The following KLHL4 variants were observed in gnomAD, a reference collection of about 807,000 sequenced individuals.
KLHL4 encodes kelch-like protein 4.
KLHL4 carries 17 observed loss-of-function variants against 45.8 expected under a neutral mutation model. The observed-to-expected ratio is 0.37, with a 90% CI of 0.25 to 0.56. The LOEUF (loss-of-function observed/expected upper bound fraction) is 0.56. Ranked by LOEUF, KLHL4 falls within the 20% of genes least tolerant of loss-of-function variation. KLHL4 has a pLI of 0.79. For synonymous variants in KLHL4, 224 were observed against 189.9 expected, an observed-to-expected ratio of 1.18 and a Z score of -1.47; for missense variants, 544 against 544.9, an observed-to-expected ratio of 1.00 and a Z score of 0.02.
chrX:87,665,128 T>C (rs1014807108), intron 10 of KLHL4, among the ~76,000 whole-genome samples, 193 bp downstream of exon 10: 2 of 111,540 alleles, frequency 1.8e-5, no homozygotes, highest in African/African-American at 6.5e-5. Flanking sequence ...GACATGATAG[T>C]TGATAGCAGG....
intron 1 of KLHL4, among the ~76,000 whole-genome samples, chrX:87,565,293 A>T (rs988652733): frequency 1.1e-4 from 12 of 112,149 alleles, no homozygotes; most frequent in East Asian, 5.6e-4. Context: ...GTGCAGAAAA[A>T]GACAGTGGAG....
chrX:87,528,332 TAACTC>T (rs1296808095), intron 1 of KLHL4, among the ~76,000 whole-genome samples: 1 of 111,038 alleles, frequency 9.0e-6, no homozygotes. Flanking sequence ...CTTTTTGAAA[TAACTC>T]AGTCAGAGAA....
At chrX:87,629,281 T>TA (rs763835626) in intron 6 of KLHL4, among the ~76,000 whole-genome samples, 185 of 111,367 alleles carry the variant, frequency 1.7e-3, no homozygotes, top group Middle Eastern at 9.2e-3. Flanking sequence ...GAAAAGATGG[T>TA]AAAAAAATTG....
chrX:87,554,786 G>A (rs1398741705), intron 1 of KLHL4, among the ~76,000 whole-genome samples: 1 of 100,365 alleles, frequency 1.0e-5, no homozygotes, highest in Non-Finnish European at 2.0e-5. Flanking sequence ...GGGCATCCCT[G>A]TCTTGTGCCA....
At chrX:87,664,347 T>C (rs964547380) in intron 9 of KLHL4, among the ~76,000 whole-genome samples, 1 of 112,153 alleles carries the variant, frequency 8.9e-6, no homozygotes. Context: ...TCAGGTTTAC[T>C]TTAAAATATG....
At chrX:87,564,633 G>A (rs1309935853) in intron 1 of KLHL4, among the ~76,000 whole-genome samples, 1 of 111,504 alleles carries the variant, frequency 9.0e-6, no homozygotes, top group Non-Finnish European at 1.9e-5. Context: ...CCATCAAAAA[G>A]CATACATAGC....
At chrX:87,582,513 G>A (rs1366170581) in intron 1 of KLHL4, among the ~76,000 whole-genome samples, 1 of 111,985 alleles carries the variant, frequency 8.9e-6, no homozygotes, top group Non-Finnish European at 1.9e-5. Context: ...TAGCCAGAGG[G>A]AAATCCCAAT....
At chrX:87,578,668 G>A (rs907189045) in intron 1 of KLHL4, among the ~76,000 whole-genome samples, 1 of 112,579 alleles carries the variant, frequency 8.9e-6, no homozygotes, top group Non-Finnish European at 1.9e-5. Flanking sequence ...AGCACTGAGA[G>A]AGACTCCCTC....
At chrX:87,557,747 T>C (rs867642173) in intron 1 of KLHL4, among the ~76,000 whole-genome samples, 1 of 75,409 alleles carries the variant, frequency 1.3e-5, no homozygotes, top group Non-Finnish European at 2.5e-5. Flanking sequence ...TATTTTAAAA[T>C]GTGATAGATA....
At chrX:87,546,262 C>T (rs886728779) in intron 1 of KLHL4, among the ~76,000 whole-genome samples, 3 of 111,219 alleles carry the variant, frequency 2.7e-5, no homozygotes, top group Non-Finnish European at 5.7e-5. Flanking sequence ...CAGTGTCTTG[C>T]CGCTTTGGGT....
intron 1 of KLHL4, among the ~76,000 whole-genome samples, chrX:87,533,572 G>T (rs199533980): frequency 2.0e-5 from 2 of 101,913 alleles, no homozygotes; most frequent in African/African-American, 3.6e-5. Flanking sequence ...GGTGAGGGGG[G>T]AGGGATAGCA....
intron 1 of KLHL4, among the ~76,000 whole-genome samples, chrX:87,536,223 T>C (rs1011424319): frequency 9.0e-6 from 1 of 111,638 alleles, no homozygotes; most frequent in Admixed American, 9.6e-5. Flanking sequence ...ACAAGTTCTC[T>C]GAAAATTAAC....
intron 9 of KLHL4, among the ~76,000 whole-genome samples, chrX:87,650,154 G>A (rs967221984): frequency 9.0e-6 from 1 of 111,181 alleles, no homozygotes; most frequent in Non-Finnish European, 1.9e-5. Flanking sequence ...AGGCTGGAAT[G>A]CAGTGGTGCC....
intron 9 of KLHL4, among the ~76,000 whole-genome samples, chrX:87,641,828 G>A (rs1288493375): frequency 9.1e-6 from 1 of 110,248 alleles, no homozygotes; most frequent in Non-Finnish European, 1.9e-5. Flanking sequence ...ATCCTCCTAG[G>A]TACACAGCTC....
intron 1 of KLHL4, among the ~76,000 whole-genome samples, chrX:87,606,371 A>G (rs1358019392): frequency 9.0e-6 from 1 of 111,632 alleles, no homozygotes; most frequent in East Asian, 2.8e-4. Context: ...GAAAAAAACA[A>G]TGAAGCTAAT....
intron 1 of KLHL4, among the ~76,000 whole-genome samples, chrX:87,544,508 T>A (rs1931633001): frequency 1.8e-5 from 2 of 111,480 alleles, no homozygotes; most frequent in Admixed American, 9.6e-5. Context: ...TGAAACCCAG[T>A]GCTGTGCTGG....
intron 1 of KLHL4, among the ~76,000 whole-genome samples, chrX:87,523,301 A>C (rs1310244987): frequency 9.0e-6 from 1 of 111,588 alleles, no homozygotes; most frequent in Non-Finnish European, 1.9e-5. Context: ...AAATAATTGC[A>C]GTGTTTTATA....
chrX:87,646,187 AAGG>A (rs959271973), intron 9 of KLHL4, among the ~76,000 whole-genome samples: 1 of 111,522 alleles, frequency 9.0e-6, no homozygotes, highest in Non-Finnish European at 1.9e-5. Flanking sequence ...ACACTTAACC[AAGG>A]AGGTGAAAGA....
intron 6 of KLHL4, among the ~76,000 whole-genome samples, chrX:87,631,722 G>A (rs1390133643): frequency 2.7e-5 from 3 of 111,070 alleles, no homozygotes; most frequent in Non-Finnish European, 5.7e-5. Flanking sequence ...CTTTAGTTAC[G>A]TGTCTTTTAA....
Sources: gnomAD v4.1 joint callset for allele counts (sites outside exome capture counted in the v4.1 genomes callset) on GRCh38, gnomAD v4.1.1 for gene constraint, MANE v1.5 for transcripts, NCBI Gene and HGNC (gene_info 2026-07-23, HGNC 2026-07-21) for gene names.